The following CFAP54 variants were observed in gnomAD, a reference collection of about 807,000 sequenced individuals.
The protein encoded by CFAP54 is cilia and flagella associated protein 54, also known as cilia- and flagella-associated protein 54.
CFAP54 carries 290 observed loss-of-function variants against 370.4 expected under a neutral mutation model. The ratio of observed to expected loss-of-function variants is 0.78; its 90% CI spans 0.71 to 0.86. CFAP54 has a LOEUF of 0.86. Ranked by LOEUF, CFAP54 falls within the 40% of genes least tolerant of loss-of-function variation. The pLI is 0.00. For synonymous variants in CFAP54, 1,206 were observed against 1,236.5 expected (o/e 0.98, Z 0.52); for missense variants, 3,399 against 3,528.7 (o/e 0.96, Z 0.93).
intron 26 of CFAP54, among the ~76,000 whole-genome samples, chr12:96,610,895 C>T (rs536832619): frequency 5.3e-5 from 8 of 152,286 alleles, no homozygotes; most frequent in South Asian, 2.1e-4. Context: ...CTGGGAAGTT[C>T]GAACTGGGTG....
chr12:96,813,208 T>C (rs754411244), intron 64 of CFAP54, among the ~76,000 whole-genome samples: 4 of 152,234 alleles, frequency 2.6e-5, no homozygotes, highest in Non-Finnish European at 5.9e-5. Flanking sequence ...GTACTTCTGA[T>C]CAATAGTAGG....
chr12:96,852,913 A>G (rs1565761714), intron 66 of CFAP54, among the ~76,000 whole-genome samples: 1 of 152,156 alleles, frequency 6.6e-6, no homozygotes, highest in African/African-American at 2.4e-5. Flanking sequence ...GTATGGTGGT[A>G]TATGACACAT....
rs182153465 is a variant in CFAP54 at position 96,609,625 on chromosome 12, A to G, written c.3639+10858A>G. Among the ~76,000 whole-genome samples the G allele has an allele frequency of 3.0e-3, 460 of 152,278 alleles. 4 individuals carry two copies. Among genetic ancestry groups the G allele is most frequent in the African/African-American group, 0.01 (421 of 41,580 alleles). On this transcript the variant is annotated intron_variant, in intron 26 of 67. Transcript: ENST00000524981. ...TAGAAAATAATTTTATAATATTAGA[A>G]AAGTATAATTTATCTGTAATTGTAC...
chr12:96,717,989 A>G (rs1196773676), intron 48 of CFAP54, among the ~76,000 whole-genome samples: 1 of 152,198 alleles, frequency 6.6e-6, no homozygotes, highest in African/African-American at 2.4e-5. Flanking sequence ...CCGTGTTTCT[A>G]TATTATCATT....
At chr12:96,594,568 G>A in intron 25 of CFAP54, 122 bp downstream of exon 25, 1 of 623,238 alleles carries the variant, frequency 1.6e-6, no homozygotes, top group South Asian at 4.8e-5. Flanking sequence ...TCAGTATTAT[G>A]AAATTTTAGG....
chr12:96,682,254 C>T, intron 40 of CFAP54: 2 of 985,778 alleles, frequency 2.0e-6, no homozygotes, highest in Non-Finnish European at 2.4e-6. Context: ...AGGAGCACTT[C>T]AGAGTTTTTA....
chr12:96,826,356 A>G (rs1227825258), intron 65 of CFAP54, among the ~76,000 whole-genome samples: 1 of 138,764 alleles, frequency 7.2e-6, no homozygotes, highest in African/African-American at 2.6e-5. Flanking sequence ...ATACTTGAAT[A>G]TACATATAGT....
chr12:96,575,659 A>G (rs539150448), intron 19 of CFAP54, among the ~76,000 whole-genome samples: 39 of 152,170 alleles, frequency 2.6e-4, no homozygotes, highest in Non-Finnish European at 4.4e-4. Flanking sequence ...TGTGTAACTC[A>G]AGGTCACAAA....
intron 1 of CFAP54, among the ~76,000 whole-genome samples, chr12:96,498,167 A>G (rs1372827222): frequency 6.6e-6 from 1 of 152,174 alleles, no homozygotes; most frequent in East Asian, 1.9e-4. Flanking sequence ...GTCTGGATCA[A>G]AACCCCTTTT....
intron 26 of CFAP54, among the ~76,000 whole-genome samples, chr12:96,621,370 G>A (rs939943380): frequency 1.3e-5 from 2 of 152,114 alleles, no homozygotes; most frequent in Admixed American, 1.3e-4. Context: ...ATGAGATCCC[G>A]TTATTAGTCC....
rs1457234374 is a variant in CFAP54 at position 96,826,903 on chromosome 12, T to TATATGCAATTATATATGATTATATATA, written c.9097-2098_9097-2072dup. 5.1e-4 allele frequency among the ~76,000 whole-genome samples: 62 copies of TATATGCAATTATATATGATTATATATA among 121,016 alleles called. 2 individuals are homozygous for TATATGCAATTATATATGATTATATATA. Among genetic ancestry groups the TATATGCAATTATATATGATTATATATA allele is most frequent in the African/African-American group, 1.7e-3 (50 of 29,614 alleles). The allele number at this position is 121,016 out of a possible 152,430, so 79.4% of individuals were successfully genotyped here. A position where few individuals can be genotyped will look rare whatever the true frequency, so the allele number is the denominator to read the frequency against. On this transcript the variant is annotated intron_variant, in intron 65 of 67. Coordinates refer to ENST00000524981, the MANE Select transcript of CFAP54 (RefSeq NM_001306084.2). ...TTATATAATATTATATGATATATTA[T>TATATGCAATTATATATGATTATATATA]ATATGCAATTATATATGATTATATA...
At chr12:96,832,582 A>C (rs555150338) in intron 66 of CFAP54, among the ~76,000 whole-genome samples, 62 of 152,288 alleles carry the variant, frequency 4.1e-4, no homozygotes, top group African/African-American at 1.3e-3. Context: ...ATATAATAAT[A>C]ATCATCATCA....
At chr12:96,666,810 A>G (rs1488458923) in intron 39 of CFAP54, among the ~76,000 whole-genome samples, 2 of 152,116 alleles carry the variant, frequency 1.3e-5, no homozygotes, top group Non-Finnish European at 2.9e-5. Context: ...AAAACCAATC[A>G]TGCCTTCCCA....
chr12:96,739,297 G>C (rs962146054), intron 50 of CFAP54, among the ~76,000 whole-genome samples: 3 of 152,032 alleles, frequency 2.0e-5, no homozygotes, highest in African/African-American at 7.2e-5. Flanking sequence ...ATATTTTGAA[G>C]AAGTGTGATG....
intron 40 of CFAP54, chr12:96,682,264 A>G (rs2136551658): frequency 1.0e-6 from 1 of 985,772 alleles, no homozygotes; most frequent in South Asian, 4.7e-5. Context: ...CAGAGTTTTT[A>G]GTTCCGTGGA....
Position 96,860,950 on chromosome 12 carries a change from A to G in CFAP54, c.*12A>G, listed in dbSNP as rs1450950073. ...CAATTATTCCCTGAATATCCTATAC[A>G]CGGTAACCTTATACAGGATTTAATT... On this transcript the variant is annotated splice_region_variant and 3_prime_UTR_variant, in exon 67 of 68. Transcript: ENST00000524981. 1.3e-6 allele frequency: 2 copies of G among 1,525,900 alleles called. No individual in the cohort carries two copies. Among genetic ancestry groups the G allele is most frequent in the East Asian group, 4.9e-5 (2 of 40,620 alleles). The allele number at this position is 1,525,900 out of a possible 1,614,324, so 94.5% of individuals were successfully genotyped here.
At chr12:96,806,066 G>A (rs1958873938) in intron 63 of CFAP54, among the ~76,000 whole-genome samples, 4 of 148,438 alleles carry the variant, frequency 2.7e-5, no homozygotes, top group South Asian at 2.1e-4. Flanking sequence ...GGGAGGGTGG[G>A]AGATGGGTAA....
intron 55 of CFAP54, among the ~76,000 whole-genome samples, chr12:96,751,738 T>TATTCA (rs1243676602): frequency 1.3e-5 from 2 of 152,144 alleles, no homozygotes; most frequent in Admixed American, 1.3e-4. Flanking sequence ...AAGGAATTCT[T>TATTCA]ATTCAATTCA....
intron 36 of CFAP54, among the ~76,000 whole-genome samples, chr12:96,654,180 T>G (rs1453440975): frequency 1.3e-5 from 2 of 148,508 alleles, no homozygotes; most frequent in Non-Finnish European, 3.0e-5. Flanking sequence ...ATGGAAGAAA[T>G]AATACATTTT....
Sources: allele counts gnomAD v4.1 joint callset (sites outside exome capture counted in the v4.1 genomes callset), GRCh38; gene constraint gnomAD v4.1.1; transcripts MANE v1.5; gene names NCBI Gene and HGNC (gene_info 2026-07-23, HGNC 2026-07-21).